The following TBC1D16 variants were observed in gnomAD, a reference collection of about 807,000 sequenced individuals.
TBC1D16 encodes TBC1 domain family member 16.
A neutral mutation model predicts 74.7 loss-of-function variants in TBC1D16; 58 were observed. The ratio of observed to expected loss-of-function variants is 0.78; its 90% CI spans 0.63 to 0.97. TBC1D16 has a LOEUF of 0.97. Among genes scored for constraint, TBC1D16 ranks in the 50% least tolerant of loss-of-function variants. The probability of loss-of-function intolerance (pLI) is 0.00; values close to 1 mark genes in which losing one functional copy is unlikely to be tolerated. For synonymous variants in TBC1D16, 493 were observed against 474.7 expected, an observed-to-expected ratio of 1.04 and a Z score of -0.50; for missense variants, 1,014 against 1,079.5, an observed-to-expected ratio of 0.94 and a Z score of 0.85.
Position 79,980,426 on chromosome 17 carries a change from G to A in TBC1D16, c.780-27608C>T, listed in dbSNP as rs2034531542. Reference sequence around the variant, plus strand: ...CAAGACACTAAGAAGAGGTTCCCAGGGGAACATGCAGTGGGAGTCTGGGCC... The same window carrying A: ...CAAGACACTAAGAAGAGGTTCCCAGAGGAACATGCAGTGGGAGTCTGGGCC... On this transcript the variant is annotated intron_variant, in intron 3 of 11. Transcript: ENST00000310924. This position sits in a 1 kb window ranked among gnomAD's most constrained non-coding sequence, Gnocchi z 7.0. Among the ~76,000 whole-genome samples the A allele has an allele frequency of 6.6e-6, 1 of 152,162 alleles. No homozygotes were observed. Among genetic ancestry groups the A allele is most frequent in the South Asian group, 2.1e-4 (1 of 4,828 alleles).
Position 79,941,987 on chromosome 17 carries a change from T to G in TBC1D16, c.2055+73A>C, listed in dbSNP as rs2032048362. ...GCCCACATCTGGGGCAGCCTCACCTTTCTGAGAACGAGCTGGTGGGGTGGG... is the reference window on the plus strand; with the variant it reads ...GCCCACATCTGGGGCAGCCTCACCTGTCTGAGAACGAGCTGGTGGGGTGGG... On this transcript the variant is annotated intron_variant, in intron 11 of 11. Transcript: ENST00000310924. The surrounding 1 kb of genome is among the most constrained non-coding windows in gnomAD (Gnocchi z 4.3). 20 of 1,428,740 alleles carry G rather than the reference T, an allele frequency of 1.4e-5. No homozygotes were observed. The highest frequency in any genetic ancestry group is 1.6e-5 in the Non-Finnish European group (17 of 1,063,284). The allele number at this position is 1,428,740 out of a possible 1,614,324, so 88.5% of individuals were successfully genotyped here. A position where few individuals can be genotyped will look rare whatever the true frequency, so the allele number is the denominator to read the frequency against.
rs1285501581 is a variant in TBC1D16 at position 79,950,342 on chromosome 17, T to C, written c.1257+69A>G. On this transcript the variant is annotated intron_variant, in intron 6 of 11. Coordinates refer to ENST00000310924, the MANE Select transcript of TBC1D16 (RefSeq NM_019020.4). This position sits in a 1 kb window ranked among gnomAD's most constrained non-coding sequence, Gnocchi z 4.6. Reference sequence around the variant, plus strand: ...GCGGGCGGCCAGGCCCCGGCCCTCCTTCCCTCTCGCTCGTTCCCGGTTCCC... The same window carrying C: ...GCGGGCGGCCAGGCCCCGGCCCTCCCTCCCTCTCGCTCGTTCCCGGTTCCC... The C allele has an allele frequency of 2.0e-6, 3 of 1,496,800 alleles. No homozygotes were observed. Among genetic ancestry groups the C allele is most frequent in the Non-Finnish European group, 2.7e-6 (3 of 1,129,182 alleles). 92.7% of individuals were successfully genotyped at this position (1,496,800 alleles called of 1,614,324 possible). A position where few individuals can be genotyped will look rare whatever the true frequency, so the allele number is the denominator to read the frequency against.
Position 80,010,688 on chromosome 17 carries a change from T to C in TBC1D16, c.251A>G (p.Asn84Ser), listed in dbSNP as rs773063360. ...GATLILAWVP[N>S]SRIQRQDEEA... ...CTCGTCCTGCCTCTGGATGCGAGAG[T>C]TGGGGACCCATGCCAGGATGAGGGT... Residue 84 changes from asparagine to serine, a missense_variant, in exon 3 of 12, where the codon AAC becomes AGC. Physicochemically the swap from Asn to Ser is conservative, Grantham distance 46. Transcript: ENST00000310924. The surrounding 1 kb of genome is among the most constrained non-coding windows in gnomAD (Gnocchi z 8.8). The C allele has an allele frequency of 5.3e-6, 8 of 1,520,630 alleles. No individual in the cohort carries two copies. The highest frequency in any genetic ancestry group is 1.8e-6 in the Non-Finnish European group (2 of 1,137,006). The allele number at this position is 1,520,630 out of a possible 1,614,324, so 94.2% of individuals were successfully genotyped here. A position where few individuals can be genotyped will look rare whatever the true frequency, so the allele number is the denominator to read the frequency against.
At chr17:79,995,016 T>G (rs2035214818) in intron 3 of TBC1D16, among the ~76,000 whole-genome samples, 1 of 152,176 alleles carries the variant, frequency 6.6e-6, no homozygotes, top group Non-Finnish European at 1.5e-5. Flanking sequence ...AATGTAGCTA[T>G]GGCCGGGCAC....
chr17:79,973,513 T>G (rs572164984), intron 3 of TBC1D16, among the ~76,000 whole-genome samples: 33 of 152,090 alleles, frequency 2.2e-4, no homozygotes, highest in Non-Finnish European at 2.9e-5. Flanking sequence ...ATCAAGACCA[T>G]CCTGTCTAAC....
In TBC1D16 at chr17:79,938,215, G is replaced by A. The variant is rs1302953917; in HGVS notation, c.*2644C>T. 1.3e-5 allele frequency: 2 copies of A among 152,212 alleles called. No individual in the cohort carries two copies. The highest frequency in any genetic ancestry group is 1.3e-4 in the Admixed American group (2 of 15,290). The allele number at this position is 152,212 out of a possible 1,614,324, so 9.4% of individuals were successfully genotyped here. ...GGGGCGGGGCTTCTCCATCCCCCGC[G>A]GAGCAGCGTCTCCTCCGCCAAGCCC... On this transcript the variant is annotated 3_prime_UTR_variant, in exon 12 of 12. Transcript: ENST00000310924.
intron 1 of TBC1D16, among the ~76,000 whole-genome samples, chr17:80,016,222 C>T (rs10445409): frequency 0.36 from 54,090 of 149,510 alleles, 10,328 homozygotes; most frequent in African/African-American, 0.49. Context: ...GTTAGGTTCA[C>T]AGAGACAGGA....
chr17:80,024,575 G>GACATACACACCACACACCATAA (rs1568648691), intron 1 of TBC1D16, among the ~76,000 whole-genome samples: 4 of 35,212 alleles, frequency 1.1e-4, no homozygotes, highest in African/African-American at 3.6e-4. Flanking sequence ...ACACACCATA[G>GACATACACACCACACACCATAA]GCACACACAC....
In TBC1D16 at chr17:79,975,007, C is replaced by T. The variant is rs911099611; in HGVS notation, c.780-22189G>A. Among the ~76,000 whole-genome samples the T allele has an allele frequency of 6.6e-6, 1 of 152,176 alleles. No homozygotes were observed. The highest frequency in any genetic ancestry group is 2.4e-5 in the African/African-American group (1 of 41,450). ...GGGCCACCCCCGCAGCCACTGCGCC[C>T]TCTATAGGTAAGAAGGCCCAAGGAA... On this transcript the variant is annotated intron_variant, in intron 3 of 11. Transcript: ENST00000310924. This position sits in a 1 kb window ranked among gnomAD's most constrained non-coding sequence, Gnocchi z 4.5.
In TBC1D16 at chr17:79,940,243, CCT is replaced by C. The variant is rs758983772; in HGVS notation, c.*614_*615del. The C allele has an allele frequency of 3.3e-5, 5 of 152,260 alleles. No individual in the cohort carries two copies. The highest frequency in any genetic ancestry group is 5.9e-5 in the Non-Finnish European group (4 of 68,058). The allele number at this position is 152,260 out of a possible 1,614,324, so 9.4% of individuals were successfully genotyped here. On this transcript the variant is annotated 3_prime_UTR_variant, in exon 12 of 12. Transcript: ENST00000310924. This position sits in a 1 kb window ranked among gnomAD's most constrained non-coding sequence, Gnocchi z 5.4. ...CTCCTCAAGCCTGACTGCTCTTCCG[CCT>C]CTCTATCCCCACATCGGTTGGGCTT...
chr17:80,014,218 G>A (rs550014476), intron 1 of TBC1D16, among the ~76,000 whole-genome samples: 5 of 152,198 alleles, frequency 3.3e-5, no homozygotes, highest in African/African-American at 1.2e-4. Context: ...TGAGCCAGGT[G>A]CGGTGGCGGG....
chr17:79,951,614 A>T lies in TBC1D16; in HGVS notation c.942-17T>A, dbSNP rs1568581979. On this transcript the variant is annotated splice_polypyrimidine_tract_variant and intron_variant, in intron 4 of 11. Transcript: ENST00000310924. ...GCCTCGTCGCTGAAGGGCCATTGGA[A>T]GGGGGAGAGGGAAGCCCGATGAATA... The T allele has an allele frequency of 3.1e-6, 5 of 1,609,566 alleles. No homozygotes were observed. The highest frequency in any genetic ancestry group is 2.2e-5 in the East Asian group (1 of 44,754).
rs1440770044 is a variant in TBC1D16, at chr17:80,007,753, G to C, written c.779+2407C>G. 6.6e-6 allele frequency among the ~76,000 whole-genome samples: 1 copy of C among 152,202 alleles called. No individual in the cohort carries two copies. The highest frequency in any genetic ancestry group is 2.4e-5 in the African/African-American group (1 of 41,448). On this transcript the variant is annotated intron_variant, in intron 3 of 11. Transcript: ENST00000310924. This position sits in a 1 kb window ranked among gnomAD's most constrained non-coding sequence, Gnocchi z 4.5. ...GATCCCTAGCCAAAGGCATGAGGCA[G>C]AGAGAGCCCCACAAGATCTAGAGGC...
At position 79,934,626 on chromosome 17, in the gene TBC1D16, T is replaced by C. The variant is rs1405512730; in HGVS notation, c.*6233A>G. 1 of 152,264 alleles carries C rather than the reference T, an allele frequency of 6.6e-6. No individual in the cohort carries two copies. Among genetic ancestry groups the C allele is most frequent in the Non-Finnish European group, 1.5e-5 (1 of 68,066 alleles). The allele number at this position is 152,264 out of a possible 1,614,324, so 9.4% of individuals were successfully genotyped here. A position where few individuals can be genotyped will look rare whatever the true frequency, so the allele number is the denominator to read the frequency against. On this transcript the variant is annotated 3_prime_UTR_variant, in exon 12 of 12. Coordinates refer to ENST00000310924, the MANE Select transcript of TBC1D16 (RefSeq NM_019020.4). ...CCTAGGCAGGCAGTGCTGGCTCTGCTCTTTCCTGGGGGAAGCCCACTGCTC... is the reference window on the plus strand; with the variant it reads ...CCTAGGCAGGCAGTGCTGGCTCTGCCCTTTCCTGGGGGAAGCCCACTGCTC...
intron 3 of TBC1D16, among the ~76,000 whole-genome samples, chr17:80,005,656 C>A (rs1483275477): frequency 2.6e-5 from 4 of 152,190 alleles, no homozygotes; most frequent in African/African-American, 9.7e-5. Context: ...AAGTCAGCCT[C>A]GAATACTCAC....
At chr17:79,970,082 A>G (rs2034016258) in intron 3 of TBC1D16, among the ~76,000 whole-genome samples, 1 of 152,230 alleles carries the variant, frequency 6.6e-6, no homozygotes, top group Admixed American at 6.5e-5. Context: ...GCATCCATAC[A>G]ATGGAATACT....
chr17:80,022,686 G>A (rs1367621063), intron 1 of TBC1D16, among the ~76,000 whole-genome samples: 1 of 147,402 alleles, frequency 6.8e-6, no homozygotes, highest in Non-Finnish European at 1.5e-5. Flanking sequence ...GCCCAGGCTG[G>A]AGTGAAATGG....
intron 1 of TBC1D16, among the ~76,000 whole-genome samples, chr17:80,033,047 C>T (rs1173411831): frequency 2.6e-5 from 4 of 152,268 alleles, no homozygotes; most frequent in African/African-American, 7.2e-5. Flanking sequence ...CCTACATCTG[C>T]CTGGAATCAC....
At position 79,952,790 on chromosome 17, in the gene TBC1D16, G is replaced by A. The variant is rs776784994; in HGVS notation, c.808C>T (p.Arg270Trp). Residue 270 changes from arginine to tryptophan, a missense_variant, in exon 4 of 12, where the codon CGG becomes TGG. Coordinates refer to ENST00000310924, the MANE Select transcript of TBC1D16 (RefSeq NM_019020.4). ...SPPSSSDAGL[R>W]FPDSNGLLQT... ...AGGAGGCCGTTGCTGTCCGGGAACC[G>A]CAGGCCGGCGTCGGAGCTGGACGGG... 3.1e-5 allele frequency: 50 copies of A among 1,610,778 alleles called. No individual in the cohort carries two copies. In the East Asian group the frequency reaches 3.6e-4, roughly 12 times the overall value.
Sources: gnomAD v4.1 joint callset for allele counts (sites outside exome capture counted in the v4.1 genomes callset) on GRCh38, gnomAD v4.1.1 for gene constraint, Gnocchi (gnomAD v3.1) non-coding constraint, MANE v1.5 for transcripts, NCBI Gene and HGNC (gene_info 2026-07-23, HGNC 2026-07-21) for gene names.